The following SAMMSON variants were observed in gnomAD, a reference collection of about 807,000 sequenced individuals.
SAMMSON encodes survival associated mitochondrial melanoma specific oncogenic non-coding RNA.
At chr3:70,378,658 A>G (rs1703040401) in intron 9 of SAMMSON, among the ~76,000 whole-genome samples, 1 of 152,160 alleles carries the variant, frequency 6.6e-6, no homozygotes, top group Non-Finnish European at 1.5e-5. Context: ...TATAAATGAA[A>G]ACATAAATGG....
chr3:70,158,542 C>CT (rs559853519), intron 4 of SAMMSON, among the ~76,000 whole-genome samples: 145 of 141,298 alleles, frequency 1.0e-3, no homozygotes, highest in East Asian at 1.2e-3. Context: ...TGGGTGGACA[C>CT]TTTTTTTTTT....
At chr3:70,418,999 C>CTCTCTCTCTCTCTCTTTCTT (rs1553664169) in intron 2 of SAMMSON, among the ~76,000 whole-genome samples, 1 of 119,294 alleles carries the variant, frequency 8.4e-6, no homozygotes, top group African/African-American at 3.5e-5. Flanking sequence ...CTCTCTCTCT[C>CTCTCTCTCTCTCTCTTTCTT]TCTTTCTTTC....
At chr3:70,386,193 G>A (rs1703121804) in intron 9 of SAMMSON, among the ~76,000 whole-genome samples, 1 of 152,034 alleles carries the variant, frequency 6.6e-6, no homozygotes, top group South Asian at 2.1e-4. Context: ...TTTAATCCAA[G>A]CCAGACATAA....
intron 7 of SAMMSON, among the ~76,000 whole-genome samples, chr3:70,310,504 T>C (rs1257155092): frequency 2.0e-5 from 3 of 152,002 alleles, no homozygotes; most frequent in Non-Finnish European, 4.4e-5. Flanking sequence ...TAGCTGGGAC[T>C]ACAGGGGTGT....
chr3:70,279,405 G>T (rs778149818), intron 6 of SAMMSON, among the ~76,000 whole-genome samples: 1 of 152,006 alleles, frequency 6.6e-6, no homozygotes, highest in African/African-American at 2.4e-5. Context: ...TATCACACTC[G>T]TCAGAAAGAC....
At chr3:70,177,184 G>T (rs745683692) in intron 4 of SAMMSON, among the ~76,000 whole-genome samples, 6 of 152,114 alleles carry the variant, frequency 3.9e-5, no homozygotes, top group Non-Finnish European at 7.4e-5. Flanking sequence ...TTTTTAGGTT[G>T]TTTTGCTTTA....
chr3:70,214,802 G>A (rs1396363656), intron 4 of SAMMSON, among the ~76,000 whole-genome samples: 1 of 151,976 alleles, frequency 6.6e-6, no homozygotes, highest in Non-Finnish European at 1.5e-5. Context: ...GCAATTATGA[G>A]TCTCCATTTC....
chr3:70,008,786 A>G (rs1210731336), intron 1 of SAMMSON, among the ~76,000 whole-genome samples: 1 of 152,168 alleles, frequency 6.6e-6, no homozygotes, highest in Non-Finnish European at 1.5e-5. Context: ...TGTTATAAAT[A>G]GCTCTTATTA....
chr3:70,100,515 TGGGG>T (rs71620115), intron 4 of SAMMSON, among the ~76,000 whole-genome samples: 3 of 146,700 alleles, frequency 2.0e-5, no homozygotes, highest in African/African-American at 7.8e-5. Flanking sequence ...CTTGAAAGAG[TGGGG>T]GGGGGGGGGG....
chr3:70,333,784 G>A lies in SAMMSON; in HGVS notation n.740-20391G>A, dbSNP rs560006250. Reference sequence around the variant, plus strand: ...TGCTTAAACCCCTTTAACAGTTTTCGGTTTCCATAGTAATGGTCTCCAAAT... The same window carrying A: ...TGCTTAAACCCCTTTAACAGTTTTCAGTTTCCATAGTAATGGTCTCCAAAT... On this transcript the variant is annotated intron_variant and non_coding_transcript_variant, in intron 7 of 9. Transcript: ENST00000642114. Among the ~76,000 whole-genome samples, 30 of 152,152 alleles carry A rather than the reference G, an allele frequency of 2.0e-4. 1 individual carries two copies. The highest frequency in any genetic ancestry group is 5.1e-4 in the African/African-American group (21 of 41,488).
At chr3:70,214,298 C>T (rs570637132) in intron 4 of SAMMSON, among the ~76,000 whole-genome samples, 35 of 152,028 alleles carry the variant, frequency 2.3e-4, no homozygotes, top group Admixed American at 3.9e-4. Flanking sequence ...TCGTATAAAT[C>T]GTTGTTTTGA....
rs563863327 is a variant in SAMMSON at position 70,305,418 on chromosome 3, A to G, written n.739+14175A>G. On this transcript the variant is annotated intron_variant and non_coding_transcript_variant, in intron 7 of 9. Transcript: ENST00000642114. Reference sequence around the variant, plus strand: ...AGATATGCTATTTGGGAAGTTAACAATTTAAAATAAGCATTAGTGTGGCTT... The same window carrying G: ...AGATATGCTATTTGGGAAGTTAACAGTTTAAAATAAGCATTAGTGTGGCTT... Among the ~76,000 whole-genome samples, 7 of 152,344 alleles carry G rather than the reference A, an allele frequency of 4.6e-5. No individual in the cohort carries two copies. The East Asian group carries it at 7.7e-4, about 17-fold the overall frequency.
intron 4 of SAMMSON, among the ~76,000 whole-genome samples, chr3:70,242,860 G>A (rs1701675609): frequency 6.6e-6 from 1 of 152,058 alleles, no homozygotes; most frequent in South Asian, 2.1e-4. Context: ...ATTTGAAAAA[G>A]CAAATGTCTT....
At chr3:70,126,846 G>C in intron 4 of SAMMSON, 1 of 159,904 alleles carries the variant, frequency 6.3e-6, no homozygotes, top group Non-Finnish European at 1.4e-5. Context: ...CTCCCAAGTA[G>C]CTGGGATTAC....
chr3:70,181,002 G>T (rs374219754), intron 4 of SAMMSON, among the ~76,000 whole-genome samples: 3 of 152,288 alleles, frequency 2.0e-5, no homozygotes, highest in East Asian at 3.9e-4. Flanking sequence ...GCTAGCCAAG[G>T]CCTTGCACGG....
intron 4 of SAMMSON, among the ~76,000 whole-genome samples, chr3:70,154,984 G>A (rs1188820419): frequency 1.3e-5 from 2 of 151,546 alleles, no homozygotes; most frequent in Non-Finnish European, 2.9e-5. Context: ...TGAGAGGTAT[G>A]GACCAATCAG....
At chr3:70,012,167 G>A (rs2066959159) in intron 1 of SAMMSON, among the ~76,000 whole-genome samples, 1 of 152,076 alleles carries the variant, frequency 6.6e-6, no homozygotes, top group Non-Finnish European at 1.5e-5. Context: ...AAGCAGCAGT[G>A]TCTGTTGGTC....
At chr3:70,377,584 G>C (rs768116751) in intron 9 of SAMMSON, among the ~76,000 whole-genome samples, 2 of 151,998 alleles carry the variant, frequency 1.3e-5, no homozygotes, top group Non-Finnish European at 2.9e-5. Flanking sequence ...ATGTAAAGGA[G>C]AGTAATTTAA....
chr3:70,171,857 C>T lies in SAMMSON; in HGVS notation n.508-77250C>T, dbSNP rs570821060. Among the ~76,000 whole-genome samples, 64 of 151,966 alleles carry T rather than the reference C, an allele frequency of 4.2e-4. 2 individuals are homozygous for T. The South Asian group carries it at 0.013, about 31-fold the overall frequency. ...ACCCCTGCCACATATTTCAGGAAGA[C>T]ACCTGGCGTATTAGACTAGGAGAGG... On this transcript the variant is annotated intron_variant and non_coding_transcript_variant, in intron 4 of 9. Coordinates refer to ENST00000642114, the Ensembl canonical transcript of SAMMSON.
Sources: gnomAD v4.1 joint callset for allele counts (sites outside exome capture counted in the v4.1 genomes callset) on GRCh38, gnomAD v4.1.1 for gene constraint, MANE v1.5 for transcripts, NCBI Gene and HGNC (gene_info 2026-07-23, HGNC 2026-07-21) for gene names.